HHAT: variants seen among roughly 807,000 people sequenced by gnomAD.
HHAT encodes hedgehog acyltransferase.
A neutral mutation model predicts 70.8 loss-of-function variants in HHAT; 47 were observed. The observed-to-expected ratio is 0.66, with a 90% confidence interval of 0.53 to 0.85. The LOEUF (loss-of-function observed/expected upper bound fraction) is 0.85, where lower values mean the gene tolerates loss of function less well. Among genes scored for constraint, HHAT ranks in the 40% least tolerant of loss-of-function variants. HHAT has a pLI of 0.00. For missense variants in HHAT, 609 were observed against 604.8 expected, an observed-to-expected ratio of 1.01 and a Z score of -0.07; for synonymous variants, 228 against 247.6, an observed-to-expected ratio of 0.92 and a Z score of 0.74.
intron 11 of HHAT, among the ~76,000 whole-genome samples, chr1:210,651,698 G>T (rs1675192572): frequency 6.6e-6 from 1 of 152,208 alleles, no homozygotes; most frequent in Non-Finnish European, 1.5e-5. Context: ...AAATAGGAAG[G>T]AAGTTCAGTT....
intron 9 of HHAT, among the ~76,000 whole-genome samples, chr1:210,581,778 A>G (rs1659318385): frequency 6.6e-6 from 1 of 152,290 alleles, no homozygotes; most frequent in Middle Eastern, 3.4e-3. Context: ...ATAATCAATC[A>G]TCCTTTCATT....
In HHAT at chr1:210,648,363, G is replaced by A. The variant is rs537100776; in HGVS notation, c.1390+24693G>A. 5.3e-5 allele frequency among the ~76,000 whole-genome samples: 8 copies of A among 152,334 alleles called. No homozygotes were observed. In the South Asian group the frequency reaches 6.2e-4, roughly 12 times the overall value. ...TGCCTCACTGATCCTCAGAGGCCTAGTATGAACATATAGTCAGCATACGTT... is the reference window on the plus strand; with the variant it reads ...TGCCTCACTGATCCTCAGAGGCCTAATATGAACATATAGTCAGCATACGTT... On this transcript the variant is annotated intron_variant, in intron 11 of 11. Transcript: ENST00000261458.
At chr1:210,523,620 G>A (rs1002984552) in intron 9 of HHAT, among the ~76,000 whole-genome samples, 5 of 152,158 alleles carry the variant, frequency 3.3e-5, no homozygotes, top group East Asian at 1.9e-4. Context: ...GTGTGCGCGC[G>A]CACACGTGCG....
At chr1:210,332,628 C>T (rs2085093988) in intron 1 of HHAT, among the ~76,000 whole-genome samples, 1 of 152,184 alleles carries the variant, frequency 6.6e-6, no homozygotes. Flanking sequence ...TGCTTCTGTT[C>T]TTTGTGCTTA....
intron 9 of HHAT, among the ~76,000 whole-genome samples, chr1:210,564,289 G>C (rs1295826176): frequency 6.6e-6 from 1 of 152,048 alleles, no homozygotes; most frequent in African/African-American, 2.4e-5. Flanking sequence ...GTGCTGATGT[G>C]GTCTCCTAGT....
chr1:210,366,717 C>T (rs2089012117), intron 3 of HHAT, among the ~76,000 whole-genome samples: 1 of 152,208 alleles, frequency 6.6e-6, no homozygotes, highest in African/African-American at 2.4e-5. Flanking sequence ...TTAAGAGCAG[C>T]TGGTCTATAG....
chr1:210,657,108 C>T (rs992905259), intron 11 of HHAT, among the ~76,000 whole-genome samples: 1 of 152,180 alleles, frequency 6.6e-6, no homozygotes, highest in African/African-American at 2.4e-5. Flanking sequence ...GAAGGTAGCT[C>T]AGGTGGTTAA....
At chr1:210,353,169 G>C (rs953341543) in intron 2 of HHAT, among the ~76,000 whole-genome samples, 1 of 151,834 alleles carries the variant, frequency 6.6e-6, no homozygotes, top group African/African-American at 2.4e-5. Context: ...TTCCTGACCT[G>C]GGGTAATCCA....
chr1:210,661,759 G>A (rs1010247382), intron 11 of HHAT, among the ~76,000 whole-genome samples: 2 of 152,190 alleles, frequency 1.3e-5, no homozygotes, highest in Non-Finnish European at 2.9e-5. Flanking sequence ...TAGGGACATG[G>A]ATGCAGCTGG....
chr1:210,396,875 TG>T (rs2091818281), intron 4 of HHAT, among the ~76,000 whole-genome samples: 1 of 152,116 alleles, frequency 6.6e-6, no homozygotes, highest in African/African-American at 2.4e-5. Flanking sequence ...GGATTAGGGA[TG>T]GGGGTGATCA....
intron 9 of HHAT, among the ~76,000 whole-genome samples, chr1:210,539,230 T>C (rs10779537): frequency 0.26 from 39,062 of 152,144 alleles, 5,305 homozygotes; most frequent in Middle Eastern, 0.34. Flanking sequence ...TGCCTGGCAA[T>C]ACCTCAGGCC....
At chr1:210,474,647 A>T (rs998864404) in intron 8 of HHAT, among the ~76,000 whole-genome samples, 2 of 152,250 alleles carry the variant, frequency 1.3e-5, no homozygotes, top group African/African-American at 4.8e-5. Context: ...TTTAAAATGT[A>T]AATGTTGCCA....
chr1:210,616,274 T>C (rs904872713), intron 10 of HHAT, among the ~76,000 whole-genome samples: 1 of 152,236 alleles, frequency 6.6e-6, no homozygotes, highest in African/African-American at 2.4e-5. Flanking sequence ...TACAATAGAT[T>C]ACTTCAACTT....
intron 6 of HHAT, among the ~76,000 whole-genome samples, chr1:210,410,417 A>G (rs1247305762): frequency 1.3e-5 from 2 of 148,944 alleles, no homozygotes; most frequent in African/African-American, 5.0e-5. Flanking sequence ...TAATAATGAT[A>G]TGACCCTAAA....
Position 210,613,532 on chromosome 1 carries a change from G to A in HHAT, c.1246-9994G>A, listed in dbSNP as rs1418858096. 2.6e-5 allele frequency among the ~76,000 whole-genome samples: 4 copies of A among 152,166 alleles called. No homozygotes were observed. In the East Asian group the frequency reaches 7.7e-4, roughly 29 times the overall value. ...AGTTTTGATTATTGTAGCTTTAAGT[G>A]TTAAAATCAGGAAGTTTGTGTCCTG... On this transcript the variant is annotated intron_variant, in intron 10 of 11. Coordinates refer to ENST00000261458, the MANE Select transcript of HHAT (RefSeq NM_018194.6).
intron 9 of HHAT, among the ~76,000 whole-genome samples, chr1:210,536,261 C>T (rs189630965): frequency 3.3e-5 from 5 of 152,372 alleles, no homozygotes; most frequent in African/African-American, 1.2e-4. Flanking sequence ...TACCATCCTT[C>T]ATCCACCTAA....
chr1:210,515,475 A>G (rs1273537220), intron 9 of HHAT, among the ~76,000 whole-genome samples: 1 of 152,144 alleles, frequency 6.6e-6, no homozygotes, highest in Non-Finnish European at 1.5e-5. Flanking sequence ...GAGTATTTTC[A>G]GGCCAGGCAC....
chr1:210,539,046 C>T (rs1241791134), intron 9 of HHAT, among the ~76,000 whole-genome samples: 1 of 152,208 alleles, frequency 6.6e-6, no homozygotes. Flanking sequence ...CACTGTACTC[C>T]AGCCTGCGTG....
chr1:210,653,824 CCTT>C (rs1033500898), intron 11 of HHAT, among the ~76,000 whole-genome samples: 3 of 5,866 alleles, frequency 5.1e-4, no homozygotes, highest in Admixed American at 2.4e-3. Context: ...GGAGGGCAGA[CCTT>C]CTGCTTGTTG....
Sources: allele counts gnomAD v4.1 joint callset (sites outside exome capture counted in the v4.1 genomes callset), GRCh38; gene constraint gnomAD v4.1.1; transcripts MANE v1.5; gene names NCBI Gene and HGNC (gene_info 2026-07-23, HGNC 2026-07-21).